The following TCEAL4 variants were observed in gnomAD, a reference collection of about 807,000 sequenced individuals.
The protein encoded by TCEAL4 is transcription elongation factor A like 4.
In TCEAL4, 1 loss-of-function variant was observed where a neutral mutation model predicts 1.3. The ratio of observed to expected loss-of-function variants is 0.79; its 90% CI spans 0.28 to 3.76. The LOEUF is 3.76. TCEAL4 is among the 30% of genes most tolerant of loss of function. The pLI, the probability that TCEAL4 is intolerant of heterozygous loss-of-function variation, is 0.18. For synonymous variants in TCEAL4, 54 were observed against 50.7 expected (o/e 1.06, Z -0.28); for missense variants, 129 against 154.7 (o/e 0.83, Z 0.88).
At chrX:103,576,808 T>A (rs2073485964) in intron 1 of TCEAL4, among the ~76,000 whole-genome samples, 1 of 111,882 alleles carries the variant, frequency 8.9e-6, no homozygotes, top group African/African-American at 3.3e-5. Flanking sequence ...ACAGCAATCA[T>A]CTTTAAGTTG....
exon 1 of TCEAL4, chrX:103,576,375 G>A: frequency 1.9e-6 from 2 of 1,076,458 alleles, no homozygotes; most frequent in Non-Finnish European, 2.5e-6. Flanking sequence ...TAGTATTGCT[G>A]CATAACAAAT....
chrX:103,578,859 T>C (rs1001216797), intron 2 of TCEAL4, among the ~76,000 whole-genome samples: 1 of 112,029 alleles, frequency 8.9e-6, no homozygotes, highest in African/African-American at 3.2e-5. Flanking sequence ...CATTTATCTA[T>C]ATTTCTTTTG....
exon 2 of TCEAL4, chrX:103,577,142 G>A (rs979959435): frequency 1.3e-5 from 15 of 1,165,556 alleles, no homozygotes; most frequent in African/African-American, 9.0e-5. Context: ...CTGTCAATGC[G>A]AAGAATGGAA....
Position 103,585,797 on chromosome X carries a change from G to A in TCEAL4, c.-101+173G>A, listed in dbSNP as rs762762725. ...GCTAGGGGTGGCTGAGGGGGAGCAC[G>A]TAGGCAGTGGGCAGAGGGTGAGGAA... On this transcript the variant is annotated intron_variant, in intron 1 of 2. Transcript: ENST00000472484. 11 of 1,102,592 alleles carry A rather than the reference G, an allele frequency of 1.0e-5. No homozygotes were observed. In the East Asian group the frequency reaches 3.0e-4, roughly 30 times the overall value. The allele number at this position is 1,102,592 out of a possible 1,213,427, so 90.9% of individuals were successfully genotyped here.
At chrX:103,579,616 T>A (rs1039669889) in intron 2 of TCEAL4, among the ~76,000 whole-genome samples, 2 of 112,391 alleles carry the variant, frequency 1.8e-5, no homozygotes, top group East Asian at 5.5e-4. Flanking sequence ...TGTATATCAA[T>A]CATATATTCA....
At chrX:103,576,442 T>C (rs890076915) in exon 1 of TCEAL4, 1 of 1,166,369 alleles carries the variant, frequency 8.6e-7, no homozygotes, top group Non-Finnish European at 1.1e-6. Context: ...GGTTCTTATT[T>C]TGGGACTCTC....
At chrX:103,586,165 C>G (rs1220115191) in intron 1 of TCEAL4, 54 bp from the exon 2 acceptor site, 1 of 1,159,720 alleles carries the variant, frequency 8.6e-7, no homozygotes, top group Non-Finnish European at 1.2e-6. Flanking sequence ...GAACCGCGTC[C>G]GTGTGAGCCC....
At chrX:103,584,710 CAG>C (rs1044252920), upstream of TCEAL4, among the ~76,000 whole-genome samples, 2 of 112,285 alleles carry the variant, frequency 1.8e-5, no homozygotes, top group African/African-American at 6.5e-5. Flanking sequence ...TTGAGTCTGG[CAG>C]AGATTCAAAG....
chrX:103,581,918 T>G (rs2147619229), upstream of TCEAL4, among the ~76,000 whole-genome samples: 1 of 111,411 alleles, frequency 9.0e-6, no homozygotes, highest in South Asian at 3.8e-4. Context: ...AAGAAAGAAA[T>G]AAAGGGTATT....
chrX:103,583,980 T>A (rs182049322), upstream of TCEAL4, among the ~76,000 whole-genome samples: 50 of 111,196 alleles, frequency 4.5e-4, no homozygotes, highest in Non-Finnish European at 7.6e-5. Flanking sequence ...CAGACTGGAG[T>A]GCAATGGCGT....
chrX:103,577,792 TAATC>T (rs889828070), intron 2 of TCEAL4, among the ~76,000 whole-genome samples: 11 of 112,084 alleles, frequency 9.8e-5, no homozygotes, highest in African/African-American at 3.6e-4. Context: ...TACTTTGAAA[TAATC>T]AATATTATGA....
At chrX:103,577,005 C>A in intron 1 of TCEAL4, 1 of 1,050,378 alleles carries the variant, frequency 9.5e-7, no homozygotes, top group Non-Finnish European at 1.3e-6. Context: ...CCAAAAATGC[C>A]AGGCAGATCT....
At chrX:103,580,201 A>T (rs1395018353) in intron 2 of TCEAL4, among the ~76,000 whole-genome samples, 1 of 112,197 alleles carries the variant, frequency 8.9e-6, no homozygotes, top group Non-Finnish European at 1.9e-5. Flanking sequence ...GTTGATGAAC[A>T]GTTAATAAAG....
At chrX:103,576,665 G>A (rs2073485138) in intron 1 of TCEAL4, 6 of 441,957 alleles carry the variant, frequency 1.4e-5, no homozygotes, top group Non-Finnish European at 2.4e-5. Flanking sequence ...TCAGGAGGCT[G>A]AAGCAGGAGA....
intron 2 of TCEAL4, among the ~76,000 whole-genome samples, chrX:103,578,030 A>T (rs1412142028): frequency 2.7e-5 from 3 of 111,667 alleles, no homozygotes; most frequent in Admixed American, 9.5e-5. Flanking sequence ...TGCTACTACT[A>T]ATTTACCTTC....
At chrX:103,586,127 G>C in intron 1 of TCEAL4, 92 bp from the exon 2 acceptor site, 1 of 1,125,271 alleles carries the variant, frequency 8.9e-7, no homozygotes, top group Non-Finnish European at 1.2e-6. Flanking sequence ...GAAAACGTTG[G>C]ATGAGAAGGG....
intron 1 of TCEAL4, chrX:103,577,089 C>A: frequency 8.6e-7 from 1 of 1,166,217 alleles, no homozygotes; most frequent in South Asian, 1.9e-5. Context: ...TCAAAATAGT[C>A]GCAGGGCCTC....
At chrX:103,586,459 C>A in intron 2 of TCEAL4, 168 bp downstream of exon 2, 1 of 827,395 alleles carries the variant, frequency 1.2e-6, no homozygotes, top group Non-Finnish European at 1.7e-6. Flanking sequence ...CAGGCAATGG[C>A]TGGCTCACGT....
chrX:103,582,613 A>G (rs1320476382), upstream of TCEAL4, among the ~76,000 whole-genome samples: 2 of 111,789 alleles, frequency 1.8e-5, no homozygotes, highest in African/African-American at 6.5e-5. Flanking sequence ...CACACCTAGA[A>G]CTATCTGATC....
Sources: gnomAD v4.1 joint callset for allele counts (sites outside exome capture counted in the v4.1 genomes callset) on GRCh38, gnomAD v4.1.1 for gene constraint, MANE v1.5 for transcripts, NCBI Gene and HGNC (gene_info 2026-07-23, HGNC 2026-07-21) for gene names.